Variants in IL15 observed in about 807,000 individuals in gnomAD.
IL15 encodes interleukin-15.
IL15 carries 11 observed loss-of-function variants against 19.6 expected under a neutral mutation model. The ratio of observed to expected loss-of-function variants is 0.56; its 90% CI spans 0.35 to 0.93. The LOEUF (loss-of-function observed/expected upper bound fraction) is 0.93. Among genes scored for constraint, IL15 ranks in the 40% least tolerant of loss-of-function variants. IL15 has a pLI of 0.01. For missense variants in IL15, 197 were observed against 186.5 expected, an observed-to-expected ratio of 1.06 and a Z score of -0.33; for synonymous variants, 58 against 59.6, an observed-to-expected ratio of 0.97 and a Z score of 0.12.
At position 141,677,055 on chromosome 4, in the gene IL15, T is replaced by G. The variant is rs760309442; in HGVS notation, c.-100+20748T>G. On this transcript the variant is annotated intron_variant, in intron 2 of 7. Coordinates refer to ENST00000320650, the MANE Select transcript of IL15 (RefSeq NM_000585.5). The stretch of plus-strand genomic sequence containing the variant: ...CCTTCTATGATACAGGCACTGAAAC[T>G]AAAGTGAACAGTGGAAGAAAGATGC... Among the ~76,000 whole-genome samples, 7 of 152,350 alleles carry G rather than the reference T, an allele frequency of 4.6e-5. No individual in the cohort carries two copies. The Middle Eastern group carries it at 0.017, about 370-fold the overall frequency.
Position 141,697,441 on chromosome 4 carries a change from T to A in IL15, c.-99-21925T>A, listed in dbSNP as rs190202653. On this transcript the variant is annotated intron_variant, in intron 2 of 7. Transcript: ENST00000320650. ...CGAAGTGTGATTTGAAGTCAGATAA[T>A]GTGATGCCTCCAGATTTGTTCTTTT... Among the ~76,000 whole-genome samples, 10 of 152,222 alleles carry A rather than the reference T, an allele frequency of 6.6e-5. No homozygotes were observed. The East Asian group carries it at 1.9e-3, about 29-fold the overall frequency.
At chr4:141,730,046 C>T (rs1208933911) in intron 7 of IL15, 62 bp downstream of exon 7, 15 of 1,286,886 alleles carry the variant, frequency 1.2e-5, no homozygotes, top group Non-Finnish European at 1.5e-5. Context: ...TTGGAGAAGT[C>T]ATTCATGGAC....
At chr4:141,695,562 A>G (rs1560924082) in intron 2 of IL15, among the ~76,000 whole-genome samples, 1 of 151,948 alleles carries the variant, frequency 6.6e-6, no homozygotes. Context: ...TCTCTTTGAT[A>G]TATTTATTTC....
At chr4:141,721,394 CT>C in intron 4 of IL15, 1 of 626,704 alleles carries the variant, frequency 1.6e-6, no homozygotes, top group East Asian at 3.0e-5. Flanking sequence ...GGAATGAAGT[CT>C]GTACTGTTTA....
chr4:141,697,386 A>G (rs1729132620), intron 2 of IL15, among the ~76,000 whole-genome samples: 1 of 152,078 alleles, frequency 6.6e-6, no homozygotes, highest in Admixed American at 6.5e-5. Context: ...TTTTCATTCC[A>G]GTACTATGCT....
chr4:141,645,061 A>C (rs572439087), intron 1 of IL15, among the ~76,000 whole-genome samples: 15 of 152,136 alleles, frequency 9.9e-5, no homozygotes, highest in Non-Finnish European at 1.8e-4. Flanking sequence ...TTAGAGGGTT[A>C]ATAATTTAGA....
chr4:141,707,695 T>C (rs1237574364), intron 2 of IL15, among the ~76,000 whole-genome samples: 1 of 152,242 alleles, frequency 6.6e-6, no homozygotes, highest in East Asian at 1.9e-4. Flanking sequence ...CTCAGTGGTC[T>C]ACGCTGTGAG....
intron 2 of IL15, chr4:141,715,139 ACCCTGCAATCTGTC>A (rs1579045961): frequency 6.6e-6 from 1 of 152,146 alleles, no homozygotes; most frequent in East Asian, 1.9e-4. Flanking sequence ...TTCCTCCTGT[ACCCTGCAATCTGTC>A]TGGAAATTAT....
intron 2 of IL15, among the ~76,000 whole-genome samples, chr4:141,681,962 C>G (rs1303285124): frequency 6.6e-6 from 1 of 152,158 alleles, no homozygotes; most frequent in Non-Finnish European, 1.5e-5. Flanking sequence ...TTTTAATTCA[C>G]AAACTTATAG....
At chr4:141,646,044 C>A (rs1727213744) in intron 1 of IL15, among the ~76,000 whole-genome samples, 1 of 152,014 alleles carries the variant, frequency 6.6e-6, no homozygotes, top group Admixed American at 6.6e-5. Context: ...CAGAAGGCCA[C>A]CCAGATTGAA....
chr4:141,700,287 T>C (rs1329366798), intron 2 of IL15, among the ~76,000 whole-genome samples: 1 of 152,178 alleles, frequency 6.6e-6, no homozygotes, highest in African/African-American at 2.4e-5. Flanking sequence ...TTAGAACTTC[T>C]TTTAGGATTT....
chr4:141,673,212 C>A (rs866794087), intron 2 of IL15, among the ~76,000 whole-genome samples: 1 of 152,044 alleles, frequency 6.6e-6, no homozygotes, highest in Non-Finnish European at 1.5e-5. Context: ...GATAAAAGTA[C>A]AATAGAAAAT....
chr4:141,689,268 C>T (rs372491779), intron 2 of IL15, among the ~76,000 whole-genome samples: 6 of 151,158 alleles, frequency 4.0e-5, no homozygotes, highest in Admixed American at 1.3e-4. Context: ...CTGCTGGCTC[C>T]GGCAGCCTGC....
At chr4:141,721,876 G>T in intron 4 of IL15, 48 bp from the exon 5 acceptor site, 1 of 1,480,662 alleles carries the variant, frequency 6.8e-7, no homozygotes, top group Non-Finnish European at 9.2e-7. Flanking sequence ...TATTCATCAA[G>T]ATGAATAGGC....
chr4:141,698,407 G>C (rs1325716837), intron 2 of IL15, among the ~76,000 whole-genome samples: 1 of 151,876 alleles, frequency 6.6e-6, no homozygotes, highest in East Asian at 1.9e-4. Flanking sequence ...TAGTAGGATT[G>C]GTACCAATTC....
chr4:141,654,580 G>T (rs1381735781), intron 1 of IL15, among the ~76,000 whole-genome samples: 1 of 152,144 alleles, frequency 6.6e-6, no homozygotes, highest in Non-Finnish European at 1.5e-5. Flanking sequence ...TTCCATTTCA[G>T]TATGTGCTAA....
chr4:141,708,589 G>T (rs1201657706), intron 2 of IL15, among the ~76,000 whole-genome samples: 1 of 152,148 alleles, frequency 6.6e-6, no homozygotes, highest in Non-Finnish European at 1.5e-5. Context: ...GACTGCTGGG[G>T]ATTTAGAGCT....
chr4:141,650,397 A>G (rs367836421), intron 1 of IL15, among the ~76,000 whole-genome samples: 2 of 152,078 alleles, frequency 1.3e-5, no homozygotes, highest in African/African-American at 4.8e-5. Flanking sequence ...TAGTCAATAC[A>G]TATGGAGGTG....
intron 2 of IL15, among the ~76,000 whole-genome samples, chr4:141,683,968 A>G (rs1266553721): frequency 3.9e-5 from 6 of 152,226 alleles, no homozygotes; most frequent in African/African-American, 1.4e-4. Context: ...ATGTAGACAC[A>G]ATATGAATAC....
Sources: gnomAD v4.1 joint callset for allele counts (sites outside exome capture counted in the v4.1 genomes callset) on GRCh38, gnomAD v4.1.1 for gene constraint, MANE v1.5 for transcripts, NCBI Gene and HGNC (gene_info 2026-07-23, HGNC 2026-07-21) for gene names.